Variants in ZCCHC2 observed in about 807,000 individuals in gnomAD.
The protein encoded by ZCCHC2 is zinc finger CCHC domain-containing protein 2.
In ZCCHC2, 39 loss-of-function variants were observed where a neutral mutation model predicts 103.6. The ratio of observed to expected loss-of-function variants is 0.38; its 90% confidence interval spans 0.29 to 0.49. The LOEUF (loss-of-function observed/expected upper bound fraction) is 0.49. Ranked by LOEUF, ZCCHC2 falls within the 20% of genes least tolerant of loss-of-function variation. The pLI is 0.96. For missense variants in ZCCHC2, 1,483 were observed against 1,491.0 expected (o/e 0.99, Z 0.09); for synonymous variants, 687 against 608.9 (o/e 1.13, Z -1.89).
At chr18:62,554,067 TA>T (rs1326036293) in intron 5 of ZCCHC2, among the ~76,000 whole-genome samples, 1 of 152,222 alleles carries the variant, frequency 6.6e-6, no homozygotes, top group Non-Finnish European at 1.5e-5. Context: ...ACTTCCTTTT[TA>T]AAAAAATCTT....
chr18:62,567,710 G>A (rs1916425646), intron 11 of ZCCHC2, among the ~76,000 whole-genome samples: 1 of 152,060 alleles, frequency 6.6e-6, no homozygotes, highest in South Asian at 2.1e-4. Context: ...TTGGGAGGCT[G>A]GGGCCCGGTG....
In ZCCHC2 at chr18:62,553,441, A is replaced by G. The variant is rs898949295; in HGVS notation, c.1314-2762A>G. On this transcript the variant is annotated intron_variant, in intron 5 of 13. Coordinates refer to ENST00000269499, the MANE Select transcript of ZCCHC2 (RefSeq NM_017742.6). The stretch of plus-strand genomic sequence containing the variant: ...CAATGTCCAGGTATATGATTATTTA[A>G]TTTTTTACTTTTTATTTTTATTAAT... Among the ~76,000 whole-genome samples the G allele has an allele frequency of 3.3e-5, 5 of 151,902 alleles. No individual in the cohort carries two copies. The South Asian group carries it at 1.0e-3, about 32-fold the overall frequency.
At chr18:62,536,795 T>C (rs1914947203) in intron 1 of ZCCHC2, among the ~76,000 whole-genome samples, 1 of 152,220 alleles carries the variant, frequency 6.6e-6, no homozygotes, top group African/African-American at 2.4e-5. Context: ...CTTAGGACTT[T>C]GGATAGAAAC....
At chr18:62,561,186 C>T (rs920371845) in intron 8 of ZCCHC2, among the ~76,000 whole-genome samples, 5 of 152,228 alleles carry the variant, frequency 3.3e-5, no homozygotes, top group African/African-American at 1.2e-4. Context: ...CCTATAGTCA[C>T]ATCGGCCAGT....
intron 1 of ZCCHC2, among the ~76,000 whole-genome samples, chr18:62,534,253 T>C (rs1020968743): frequency 2.7e-5 from 4 of 150,306 alleles, no homozygotes; most frequent in African/African-American, 4.9e-5. Flanking sequence ...AAGGCTGAAG[T>C]GAGCCGTGAT....
At chr18:62,579,678 T>TC (rs1036415173), downstream of ZCCHC2, among the ~76,000 whole-genome samples, 17 of 152,090 alleles carry the variant, frequency 1.1e-4, no homozygotes, top group African/African-American at 3.9e-4. Flanking sequence ...TCCCTCCCCT[T>TC]CCCCCACTAC....
At chr18:62,554,458 A>G (rs1915796687) in intron 5 of ZCCHC2, among the ~76,000 whole-genome samples, 1 of 152,194 alleles carries the variant, frequency 6.6e-6, no homozygotes, top group Non-Finnish European at 1.5e-5. Context: ...TGATTTATCA[A>G]ATAGTTTATG....
intron 5 of ZCCHC2, chr18:62,551,063 G>A (rs1232634602): frequency 6.6e-6 from 1 of 152,298 alleles, no homozygotes; most frequent in Non-Finnish European, 1.5e-5. Context: ...CCCTGTGGAG[G>A]CGGGATGAGT....
At chr18:62,584,827 G>A (rs1917130569) in exon 15 of ZCCHC2, 1 of 152,298 alleles carries the variant, frequency 6.6e-6, no homozygotes, top group Non-Finnish European at 1.5e-5. Context: ...TGGGTTCAGT[G>A]AGACGAAGTG....
chr18:62,523,590 G>T lies in ZCCHC2; in HGVS notation c.166G>T (p.Gly56Cys). 1 of 1,000,778 alleles carries T rather than the reference G, an allele frequency of 1.0e-6. No individual in the cohort carries two copies. Among genetic ancestry groups the T allele is most frequent in the African/African-American group, 1.8e-5 (1 of 56,446 alleles). 62.0% of individuals were successfully genotyped at this position (1,000,778 alleles called of 1,614,324 possible). The stretch of plus-strand genomic sequence containing the variant: ...GCCGCCGCCCGCGGGCCCGTCGCGG[G>T]GCCCTCTGCCGCCGCCGCCGCCGCC... The part of the protein sequence containing the change: ...PPPPPAGPSR[G>C]PLPPPPPPRG... The change falls in exon 1 of 14, where the codon GGC (glycine) becomes TGC (cysteine). Residue 56 changes from glycine (G) to cysteine (C), a missense_variant. This residue lies in a region of ZCCHC2 where 568 missense variants were observed against 525.1 expected (regional missense o/e 1.08). Transcript: ENST00000269499.
chr18:62,569,772 A>G (rs1435664045), intron 11 of ZCCHC2, among the ~76,000 whole-genome samples: 1 of 152,134 alleles, frequency 6.6e-6, no homozygotes. Context: ...TAAAGAATGA[A>G]TTTTCCAGCA....
At chr18:62,585,552 A>G (rs1195941423) in exon 15 of ZCCHC2, 2 of 149,860 alleles carry the variant, frequency 1.3e-5, no homozygotes, top group South Asian at 2.2e-4. Context: ...GAGTCACGTC[A>G]TATTTGTTAC....
chr18:62,544,730 G>A (rs953689780), intron 3 of ZCCHC2, 72 bp from the exon 4 acceptor site: 14 of 1,291,450 alleles, frequency 1.1e-5, no homozygotes, highest in Non-Finnish European at 1.4e-5. Flanking sequence ...CTTTGTTTTT[G>A]CACATGGCTT....
chr18:62,540,979 G>A (rs1227011000), intron 2 of ZCCHC2, among the ~76,000 whole-genome samples: 2 of 152,120 alleles, frequency 1.3e-5, no homozygotes, highest in Admixed American at 6.5e-5. Flanking sequence ...AAGCAAAACT[G>A]GGTTCTGACC....
chr18:62,539,503 G>A, intron 1 of ZCCHC2, 178 bp from the exon 2 acceptor site: 1 of 510,458 alleles, frequency 2.0e-6, no homozygotes, highest in South Asian at 2.2e-5. Context: ...TTAATAGAGT[G>A]CTCATCTTCT....
intron 12 of ZCCHC2, among the ~76,000 whole-genome samples, chr18:62,571,096 C>T (rs1374828585): frequency 6.6e-6 from 1 of 152,202 alleles, no homozygotes; most frequent in African/African-American, 2.4e-5. Context: ...TCTTGTCAGC[C>T]CCAGCTAGTA....
chr18:62,544,521 A>ATC (rs1272672151), intron 3 of ZCCHC2, among the ~76,000 whole-genome samples: 1 of 152,240 alleles, frequency 6.6e-6, no homozygotes, highest in Non-Finnish European at 1.5e-5. Flanking sequence ...AATAACATAT[A>ATC]TCCCCTTTCT....
intron 5 of ZCCHC2, among the ~76,000 whole-genome samples, chr18:62,550,929 T>C (rs184179481): frequency 2.4e-4 from 36 of 152,272 alleles, no homozygotes; most frequent in Admixed American, 1.6e-3. Context: ...CGTAAGGTTG[T>C]TGGGCTTGTT....
rs1376989824 is a variant in ZCCHC2, at chr18:62,524,119, A to C, written c.695A>C (p.Glu232Ala). ...GACGGCGACGGCGAGCAGGACGCCGAGAAGGACGGCTCAGGCCCGGAAGGC... is the reference window on the plus strand; with the variant it reads ...GACGGCGACGGCGAGCAGGACGCCGCGAAGGACGGCTCAGGCCCGGAAGGC... ...GEDGDGEQDA[E>A]KDGSGPEGGI... Residue 232 changes from glutamate to alanine, a missense_variant, in exon 1 of 14, where the codon GAG becomes GCG. By Grantham distance (107) the Glu-to-Ala change is moderately radical. Coordinates refer to ENST00000269499, the MANE Select transcript of ZCCHC2 (RefSeq NM_017742.6). The C allele has an allele frequency of 2.0e-6, 3 of 1,529,450 alleles. No homozygotes were observed. In the South Asian group the frequency reaches 3.6e-5, roughly 18 times the overall value. The allele number at this position is 1,529,450 out of a possible 1,614,324, so 94.7% of individuals were successfully genotyped here. A position where few individuals can be genotyped will look rare whatever the true frequency, so the allele number is the denominator to read the frequency against.
Sources: allele counts gnomAD v4.1 joint callset (sites outside exome capture counted in the v4.1 genomes callset), GRCh38; gene constraint gnomAD v4.1.1; regional missense constraint gnomAD v4.1.1; transcripts MANE v1.5; gene names NCBI Gene and HGNC (gene_info 2026-07-23, HGNC 2026-07-21).